ABTB2: variants seen among roughly 807,000 people sequenced by gnomAD.
The protein encoded by ABTB2 is ankyrin repeat and BTB domain containing 2.
ABTB2 carries 56 observed loss-of-function variants against 104.1 expected under a neutral mutation model. The observed-to-expected ratio is 0.54, with a 90% CI of 0.43 to 0.67. The LOEUF (loss-of-function observed/expected upper bound fraction) is 0.67. Among genes scored for constraint, ABTB2 ranks in the 30% least tolerant of loss-of-function variants. ABTB2 has a pLI of 0.00. For synonymous variants in ABTB2, 606 were observed against 608.2 expected, an observed-to-expected ratio of 1.00 and a Z score of 0.05; for missense variants, 1,279 against 1,407.7, an observed-to-expected ratio of 0.91 and a Z score of 1.46.
chr11:34,315,729 C>T (rs764137890), intron 1 of ABTB2, among the ~76,000 whole-genome samples: 5 of 152,150 alleles, frequency 3.3e-5, no homozygotes, highest in Non-Finnish European at 7.4e-5. Flanking sequence ...TTCTGAAATG[C>T]GCAGGTCTCC....
rs148166505 is a variant in ABTB2 at position 34,321,760 on chromosome 11, C to A, written c.883+34941G>T. Reference sequence around the variant, plus strand: ...GCTCTAGACATGATGTTCGCATATACCATTCAAGTCTCAAGACCCCAAACC... The same window carrying A: ...GCTCTAGACATGATGTTCGCATATAACATTCAAGTCTCAAGACCCCAAACC... On this transcript the variant is annotated intron_variant, in intron 1 of 16. Transcript: ENST00000435224. Among the ~76,000 whole-genome samples the A allele has an allele frequency of 7.9e-3, 1,201 of 152,310 alleles. 6 individuals are homozygous for A. The highest frequency in any genetic ancestry group is 0.013 in the Non-Finnish European group (911 of 68,026).
chr11:34,337,541 C>T lies in ABTB2; in HGVS notation c.883+19160G>A, dbSNP rs561700811. ...AAACTTTCAGCATGGAAAACGTGGG[C>T]TTTGAAGTCTGACAGTACTAATCTC... is the stretch of plus-strand genomic sequence containing the variant. On this transcript the variant is annotated intron_variant, in intron 1 of 16. Transcript: ENST00000435224. Among the ~76,000 whole-genome samples, 32 of 152,344 alleles carry T rather than the reference C, an allele frequency of 2.1e-4. 1 individual carries two copies. The highest frequency in any genetic ancestry group is 7.7e-4 in the African/African-American group (32 of 41,594).
intron 1 of ABTB2, among the ~76,000 whole-genome samples, chr11:34,220,082 A>G (rs756539325): frequency 6.6e-6 from 1 of 152,224 alleles, no homozygotes; most frequent in Admixed American, 6.5e-5. Context: ...GGGGTGGAGG[A>G]GGTATAGGGA....
chr11:34,294,801 A>G (rs1348408039), intron 1 of ABTB2, among the ~76,000 whole-genome samples: 1 of 149,104 alleles, frequency 6.7e-6, no homozygotes, highest in Admixed American at 6.7e-5. Context: ...TGTAACCTCC[A>G]CCTCCCGGGT....
chr11:34,232,449 C>CAA (rs67998044), intron 1 of ABTB2, among the ~76,000 whole-genome samples: 48 of 115,392 alleles, frequency 4.2e-4, no homozygotes, highest in African/African-American at 1.4e-3. Context: ...GACTCTGTCT[C>CAA]AAAAAAAAAA....
chr11:34,249,544 T>TAA (rs151036247), intron 1 of ABTB2, among the ~76,000 whole-genome samples: 21,740 of 152,150 alleles, frequency 0.14, 1,828 homozygotes, highest in Non-Finnish European at 0.19. Flanking sequence ...TCCTGGCAGG[T>TAA]CATTTCATGA....
chr11:34,276,257 A>T (rs527777400), intron 1 of ABTB2, among the ~76,000 whole-genome samples: 56 of 152,268 alleles, frequency 3.7e-4, no homozygotes, highest in African/African-American at 1.3e-3. Context: ...TGTGACTAAT[A>T]AGTCCCAAGA....
chr11:34,294,842 G>A (rs1854601895), intron 1 of ABTB2, among the ~76,000 whole-genome samples: 1 of 151,904 alleles, frequency 6.6e-6, no homozygotes, highest in African/African-American at 2.4e-5. Flanking sequence ...AGCCTCCTGA[G>A]CAGCTGGGAT....
intron 3 of ABTB2, among the ~76,000 whole-genome samples, chr11:34,177,717 ACC>A (rs1852973745): frequency 6.6e-6 from 1 of 151,974 alleles, no homozygotes; most frequent in African/African-American, 2.4e-5. Flanking sequence ...ACAGACATGC[ACC>A]ACCATGCCTG....
intron 1 of ABTB2, among the ~76,000 whole-genome samples, chr11:34,232,610 C>G (rs752154175): frequency 5.1e-4 from 77 of 152,122 alleles, no homozygotes; most frequent in Non-Finnish European, 7.6e-4. Flanking sequence ...TCACAGACCA[C>G]TTAGTATCTA....
At chr11:34,175,556 G>A (rs1852950137) in intron 3 of ABTB2, among the ~76,000 whole-genome samples, 1 of 152,250 alleles carries the variant, frequency 6.6e-6, no homozygotes, top group Admixed American at 6.5e-5. Flanking sequence ...CTGAAAAATT[G>A]TAAGTTGCAC....
chr11:34,192,955 G>A (rs7924755), intron 3 of ABTB2, among the ~76,000 whole-genome samples: 10,319 of 152,222 alleles, frequency 0.068, 447 homozygotes, highest in Non-Finnish European at 0.1. Flanking sequence ...GCCTTCCTAC[G>A]TGTCTGCGTA....
intron 1 of ABTB2, among the ~76,000 whole-genome samples, chr11:34,298,300 C>T (rs1230905001): frequency 1.3e-5 from 2 of 151,934 alleles, no homozygotes; most frequent in African/African-American, 4.8e-5. Context: ...CAACCAGACT[C>T]AATCATTCAT....
At chr11:34,218,085 T>C (rs115991393) in intron 1 of ABTB2, among the ~76,000 whole-genome samples, 2,187 of 152,378 alleles carry the variant, frequency 0.014, 45 homozygotes, top group African/African-American at 0.048. Flanking sequence ...CTGCATATCA[T>C]CTTTGGTGAG....
intron 1 of ABTB2, among the ~76,000 whole-genome samples, chr11:34,262,889 A>C (rs1375949715): frequency 6.6e-6 from 1 of 152,112 alleles, no homozygotes; most frequent in East Asian, 1.9e-4. Flanking sequence ...AGCTGCCTAA[A>C]CACTGCCCTG....
intron 1 of ABTB2, among the ~76,000 whole-genome samples, chr11:34,234,726 TCCCAGCTTACAGGGTAATGCTA>T (rs1853818639): frequency 6.6e-6 from 1 of 152,200 alleles, no homozygotes; most frequent in African/African-American, 2.4e-5. Context: ...CTATTGCGAC[TCCCAGCTTACAGGGTAATGCTA>T]CCTGCTCCTG....
chr11:34,323,622 A>T (rs1855031677), intron 1 of ABTB2, among the ~76,000 whole-genome samples: 1 of 151,950 alleles, frequency 6.6e-6, no homozygotes, highest in Non-Finnish European at 1.5e-5. Flanking sequence ...TATTAGCCTA[A>T]TTTTTGTTGT....
At chr11:34,284,522 G>A (rs1019853099) in intron 1 of ABTB2, among the ~76,000 whole-genome samples, 8 of 152,086 alleles carry the variant, frequency 5.3e-5, no homozygotes, top group African/African-American at 1.2e-4. Context: ...CTAATAAATC[G>A]GCCTGCAAAC....
intron 1 of ABTB2, among the ~76,000 whole-genome samples, chr11:34,240,781 A>AG (rs11287256): frequency 7.9e-5 from 12 of 151,846 alleles, no homozygotes; most frequent in African/African-American, 2.2e-4. Flanking sequence ...TTTAGTGGAG[A>AG]GGGGGGTTTC....
Sources: allele counts gnomAD v4.1 joint callset (sites outside exome capture counted in the v4.1 genomes callset), GRCh38; gene constraint gnomAD v4.1.1; transcripts MANE v1.5; gene names NCBI Gene and HGNC (gene_info 2026-07-23, HGNC 2026-07-21).